FAM193A: variants seen among roughly 807,000 people sequenced by gnomAD.
FAM193A encodes family with sequence similarity 193 member A, also known as protein FAM193A.
Under a neutral mutation model 126.5 loss-of-function variants are expected in FAM193A, and 22 were observed. The ratio of observed to expected loss-of-function variants is 0.17; its 90% CI spans 0.12 to 0.25. The LOEUF (loss-of-function observed/expected upper bound fraction) is 0.25, where lower values mean the gene tolerates loss of function less well. Ranked by LOEUF, FAM193A falls within the 10% of genes least tolerant of loss-of-function variation. The probability of loss-of-function intolerance (pLI) is 1.00; values close to 1 mark genes in which losing one functional copy is unlikely to be tolerated. For missense variants in FAM193A, 1,675 were observed against 1,672.8 expected (o/e 1.00, Z -0.02); for synonymous variants, 761 against 646.8 (o/e 1.18, Z -2.68).
intron 20 of FAM193A, among the ~76,000 whole-genome samples, chr4:2,725,450 C>CAAAA (rs71644355): frequency 2.2e-4 from 7 of 31,778 alleles, no homozygotes; most frequent in African/African-American, 6.6e-4. Flanking sequence ...ACCCTGTCTC[C>CAAAA]AAAAAAAAAA....
intron 7 of FAM193A, among the ~76,000 whole-genome samples, chr4:2,647,270 C>T (rs1255053433): frequency 6.6e-5 from 10 of 152,096 alleles, no homozygotes; most frequent in African/African-American, 2.4e-4. Context: ...CTCAGCCTCC[C>T]GAGTAGCTGG....
intron 2 of FAM193A, among the ~76,000 whole-genome samples, chr4:2,623,217 C>A (rs1577087828): frequency 6.6e-6 from 1 of 151,476 alleles, no homozygotes; most frequent in Non-Finnish European, 1.5e-5. Context: ...TGTCACCAGG[C>A]TGGAGTGCGG....
At chr4:2,552,975 G>A (rs950275542) in intron 1 of FAM193A, among the ~76,000 whole-genome samples, 1 of 149,548 alleles carries the variant, frequency 6.7e-6, no homozygotes, top group Non-Finnish European at 1.5e-5. Flanking sequence ...AGTCTCTTAA[G>A]TAGCTGGGAT....
chr4:2,619,193 G>T (rs564559137), intron 2 of FAM193A, among the ~76,000 whole-genome samples: 8 of 151,990 alleles, frequency 5.3e-5, no homozygotes, highest in African/African-American at 1.9e-4. Flanking sequence ...TCTTCCCATC[G>T]TGTTTATTTT....
intron 13 of FAM193A, among the ~76,000 whole-genome samples, chr4:2,675,446 A>G (rs1158767411): frequency 2.0e-5 from 3 of 152,196 alleles, no homozygotes; most frequent in African/African-American, 4.8e-5. Context: ...CGGCACACAC[A>G]TTGAGAATTG....
At chr4:2,637,553 C>A (rs557641509) in intron 5 of FAM193A, among the ~76,000 whole-genome samples, 3 of 152,320 alleles carry the variant, frequency 2.0e-5, no homozygotes, top group African/African-American at 7.2e-5. Context: ...TTCTTTCAAA[C>A]CCCCAAACCT....
At chr4:2,672,706 A>AG (rs1192791511) in intron 13 of FAM193A, among the ~76,000 whole-genome samples, 1 of 152,238 alleles carries the variant, frequency 6.6e-6, no homozygotes, top group African/African-American at 2.4e-5. Context: ...GTGATCTTCC[A>AG]GGGCTTGCTC....
In FAM193A at chr4:2,699,788, G is replaced by C; in HGVS notation, c.3616G>C (p.Asp1206His). 6.2e-7 allele frequency: 1 copy of C among 1,613,882 alleles called. No homozygotes were observed. The highest frequency in any genetic ancestry group is 8.5e-7 in the Non-Finnish European group (1 of 1,179,918). The change falls in exon 19 of 21, where the codon GAT becomes CAT. Residue 1206 changes from aspartate to histidine, a missense_variant. By Grantham distance (81) the Asp-to-His change is moderately conservative. Around this residue, in one of 4 missense-constraint regions of FAM193A, gnomAD observed 415 missense variants for 396.7 expected, o/e 1.05. Coordinates refer to ENST00000637812, the MANE Select transcript of FAM193A (RefSeq NM_001366318.2). ...EEEEDEEEEE[D>H]RFKEEFQRLQ... The stretch of plus-strand genomic sequence containing the variant: ...GGAGGAGGATGAGGAAGAAGAGGAG[G>C]ATCGTTTCAAGGAGGAATTTCAGCG...
chr4:2,693,643 C>G lies in FAM193A; in HGVS notation c.2861C>G (p.Pro954Arg). 6.2e-7 allele frequency: 1 copy of G among 1,614,194 alleles called. No homozygotes were observed. The highest frequency in any genetic ancestry group is 8.5e-7 in the Non-Finnish European group (1 of 1,180,016). Residue 954 changes from proline (P) to arginine (R), a missense_variant, in exon 16 of 21, where the codon CCG (proline) becomes CGG (arginine). Physicochemically the swap from Pro to Arg is moderately radical, Grantham distance 103. Transcript: ENST00000637812. The part of the protein sequence containing the change: ...EDHRHSAPAA[P>R]RNSPTGLAPL... Reference sequence around the variant, plus strand: ...CACAGACACTCGGCCCCAGCCGCCCCGAGGAATAGCCCCACGGGCTTGGCC... The same window carrying G: ...CACAGACACTCGGCCCCAGCCGCCCGGAGGAATAGCCCCACGGGCTTGGCC...
At chr4:2,584,575 C>T (rs1453213529) in intron 1 of FAM193A, among the ~76,000 whole-genome samples, 1 of 152,100 alleles carries the variant, frequency 6.6e-6, no homozygotes. Context: ...TACCAGGACT[C>T]CAAAAGCCTG....
intron 14 of FAM193A, 29 bp downstream of exon 14, chr4:2,689,733 G>A: frequency 2.0e-6 from 3 of 1,513,236 alleles, no homozygotes; most frequent in Non-Finnish European, 2.7e-6. Context: ...CTTTCTTGAA[G>A]TTTTAAAATA....
intron 2 of FAM193A, among the ~76,000 whole-genome samples, chr4:2,600,129 C>G (rs1490138285): frequency 6.6e-6 from 1 of 152,194 alleles, no homozygotes; most frequent in African/African-American, 2.4e-5. Context: ...AACTCCTGGC[C>G]TCAAATGATC....
chr4:2,658,212 A>G (rs906715237), intron 8 of FAM193A, among the ~76,000 whole-genome samples: 1 of 152,098 alleles, frequency 6.6e-6, no homozygotes, highest in African/African-American at 2.4e-5. Flanking sequence ...TGCAGTTTAC[A>G]TATGAAGGAG....
intron 1 of FAM193A, 52 bp downstream of exon 1, chr4:2,537,222 C>G (rs1490786629): frequency 5.0e-6 from 1 of 198,078 alleles, no homozygotes; most frequent in African/African-American, 2.4e-5. Flanking sequence ...TTGCCGTTCC[C>G]TCGCGCCTTG....
At chr4:2,690,179 G>T (rs1220898690) in intron 14 of FAM193A, among the ~76,000 whole-genome samples, 1 of 152,174 alleles carries the variant, frequency 6.6e-6, no homozygotes, top group Non-Finnish European at 1.5e-5. Flanking sequence ...TTACTCCCCA[G>T]CTGCCTCAGC....
chr4:2,700,242 C>T lies in FAM193A; in HGVS notation c.4070C>T (p.Pro1357Leu), dbSNP rs781470555. The change falls in exon 19 of 21, where the codon CCC (proline) becomes CTC (leucine). Residue 1357 changes from proline (P) to leucine (L), a missense_variant. Pro to Leu is a moderately conservative substitution (Grantham distance 98, BLOSUM62 -3). Around this residue, in one of 4 missense-constraint regions of FAM193A, gnomAD observed 415 missense variants for 396.7 expected, o/e 1.05. Coordinates refer to ENST00000637812, the MANE Select transcript of FAM193A (RefSeq NM_001366318.2). ...GAGCCAGCGAGGAGGCCCACAGAGC[C>T]CCCCAAGGCCACAGAGGGGCAGTCC... ...SSEPARRPTE[P>L]PKATEGQSKP... 1.2e-6 allele frequency: 2 copies of T among 1,613,982 alleles called. No homozygotes were observed. The highest frequency in any genetic ancestry group is 1.7e-6 in the Non-Finnish European group (2 of 1,180,000).
chr4:2,716,955 C>T (rs1400563042), intron 20 of FAM193A, among the ~76,000 whole-genome samples: 1 of 151,094 alleles, frequency 6.6e-6, no homozygotes, highest in Non-Finnish European at 1.5e-5. Context: ...TGATTACAGG[C>T]GTGAGCCACC....
chr4:2,686,905 T>A (rs143243275), intron 13 of FAM193A, among the ~76,000 whole-genome samples: 2 of 152,354 alleles, frequency 1.3e-5, no homozygotes, highest in East Asian at 3.9e-4. Context: ...GCTCTTAGCT[T>A]ATCGCTGCTT....
intron 3 of FAM193A, 46 bp from the exon 4 acceptor site, chr4:2,626,364 G>A (rs1047004825): frequency 2.9e-6 from 2 of 681,822 alleles, no homozygotes; most frequent in East Asian, 2.7e-5. Context: ...GTGAGGAAGG[G>A]CAGCAGATTG....
Sources: allele counts gnomAD v4.1 joint callset (sites outside exome capture counted in the v4.1 genomes callset), GRCh38; gene constraint gnomAD v4.1.1; regional missense constraint gnomAD v4.1.1; transcripts MANE v1.5; gene names NCBI Gene and HGNC (gene_info 2026-07-23, HGNC 2026-07-21).